Variants in TAF11 observed in about 807,000 individuals in gnomAD.
The protein encoded by TAF11 is TATA-box binding protein associated factor 11, also known as transcription initiation factor TFIID subunit 11.
Under a neutral mutation model 23.0 loss-of-function variants are expected in TAF11, and 10 were observed. The observed-to-expected ratio is 0.43, with a 90% CI of 0.27 to 0.74. The LOEUF (loss-of-function observed/expected upper bound fraction) is 0.74. Ranked by LOEUF, TAF11 falls within the 30% of genes least tolerant of loss-of-function variation. TAF11 has a pLI of 0.19. For missense variants in TAF11, 196 were observed against 261.7 expected, an observed-to-expected ratio of 0.75 and a Z score of 1.73; for synonymous variants, 85 against 95.8, an observed-to-expected ratio of 0.89 and a Z score of 0.66.
chr6:34,878,275 C>G lies in TAF11; in HGVS notation c.*315G>C, dbSNP rs149774843. On this transcript the variant is annotated 3_prime_UTR_variant, in exon 5 of 5. Coordinates refer to ENST00000361288, the MANE Select transcript of TAF11 (RefSeq NM_005643.4). ...CGAAACCAAAACAAAACAAAACTCT[C>G]TTGGAAAGGTTTTCTCTCTGAAAGC... 40 of 263,452 alleles carry G rather than the reference C, an allele frequency of 1.5e-4. No individual in the cohort carries two copies. The highest frequency in any genetic ancestry group is 2.6e-3 in the Middle Eastern group (2 of 782). The allele number at this position is 263,452 out of a possible 1,614,324, so 16.3% of individuals were successfully genotyped here.
At chr6:34,886,343 C>T (rs779419298) in intron 1 of TAF11, among the ~76,000 whole-genome samples, 3 of 150,528 alleles carry the variant, frequency 2.0e-5, no homozygotes, top group Non-Finnish European at 4.4e-5. Flanking sequence ...CACGCCACTG[C>T]ACACTCCAGC....
Position 34,887,872 on chromosome 6 carries a change from C to A in TAF11, c.86G>T (p.Gly29Val), listed in dbSNP as rs750828269. The A allele has an allele frequency of 6.2e-7, 1 of 1,614,182 alleles. No homozygotes were observed. Among genetic ancestry groups the A allele is most frequent in the Non-Finnish European group, 8.5e-7 (1 of 1,180,032 alleles). ...DETAAVPGDP[G>V]ATDTDGIPEE... ...TGGGATTCCATCGGTGTCGGTAGCC[C>A]CCGGGTCCCCGGGCACAGCGGCCGT... Residue 29 changes from glycine to valine, a missense_variant, in exon 1 of 5, where the codon GGG (glycine) becomes GTG (valine). Physicochemically the swap from Gly to Val is moderately radical, Grantham distance 109. Coordinates refer to ENST00000361288, the MANE Select transcript of TAF11 (RefSeq NM_005643.4).
intron 1 of TAF11, among the ~76,000 whole-genome samples, chr6:34,883,873 T>G (rs1766488003): frequency 6.6e-6 from 1 of 152,192 alleles, no homozygotes; most frequent in Non-Finnish European, 1.5e-5. Context: ...AGATACCATC[T>G]CATATCAGTC....
intron 4 of TAF11, chr6:34,879,377 T>C (rs1766375993): frequency 1.0e-6 from 1 of 963,304 alleles, no homozygotes; most frequent in Non-Finnish European, 1.2e-6. Context: ...CCATCTTAAT[T>C]TGTGATTTGT....
chr6:34,886,773 C>T (rs997648533), intron 1 of TAF11, among the ~76,000 whole-genome samples: 4 of 152,058 alleles, frequency 2.6e-5, no homozygotes, highest in African/African-American at 9.7e-5. Flanking sequence ...GACAAATTTT[C>T]TCTTTTTCTA....
rs1196223155 is a variant in TAF11, at chr6:34,877,896, C to G, written c.*694G>C. 2 of 152,182 alleles carry G rather than the reference C, an allele frequency of 1.3e-5. No individual in the cohort carries two copies. Among genetic ancestry groups the G allele is most frequent in the Non-Finnish European group, 2.9e-5 (2 of 68,034 alleles). The allele number at this position is 152,182 out of a possible 1,614,324, so 9.4% of individuals were successfully genotyped here. A position where few individuals can be genotyped will look rare whatever the true frequency, so the allele number is the denominator to read the frequency against. ...TACCGCATCCTTCATGGTAGAGTAT[C>G]ACAAGTAAAAGTTTCTGGTTGTTTC... is the stretch of plus-strand genomic sequence containing the variant. On this transcript the variant is annotated 3_prime_UTR_variant, in exon 5 of 5. Transcript: ENST00000361288.
rs201274551 is a variant in TAF11 at position 34,887,779 on chromosome 6, C to T, written c.171+8G>A. On this transcript the variant is annotated splice_region_variant and intron_variant, in intron 1 of 4. Transcript: ENST00000361288. ...TTCCTTCAGCCTCATCAGTACATCT[C>T]TTCCTACCTCGCCTTCCTCCGCTGC... 6.2e-6 allele frequency: 10 copies of T among 1,614,072 alleles called. No individual in the cohort carries two copies. Among genetic ancestry groups the T allele is most frequent in the Non-Finnish European group, 8.5e-6 (10 of 1,180,040 alleles).
At chr6:34,878,812 C>CT (rs1766363650) in intron 4 of TAF11, 92 bp from the exon 5 acceptor site, 1 of 1,130,740 alleles carries the variant, frequency 8.8e-7, no homozygotes, top group South Asian at 1.4e-5. Context: ...GTTAACTTTT[C>CT]TTAAGCTTGC....
chr6:34,882,365 C>T lies in TAF11; in HGVS notation c.320+567G>A, dbSNP rs138177088. 4.3e-3 allele frequency among the ~76,000 whole-genome samples: 644 copies of T among 150,902 alleles called. 2 individuals carry two copies. Among genetic ancestry groups the T allele is most frequent in the Middle Eastern group, 0.028 (8 of 286 alleles). On this transcript the variant is annotated intron_variant, in intron 2 of 4. Transcript: ENST00000361288. ...AAAAAAAAAAATTTTAAATAGAGGC[C>T]GGGCACAGTGGCTCATGCCTGTAAT...
intron 1 of TAF11, among the ~76,000 whole-genome samples, chr6:34,885,243 T>C (rs894075946): frequency 3.5e-4 from 53 of 152,150 alleles, no homozygotes; most frequent in Non-Finnish European, 8.8e-5. Flanking sequence ...CTTTTTCTGG[T>C]TTCTTGAGTT....
Position 34,880,228 on chromosome 6 carries a change from C to T in TAF11, c.408+61G>A, listed in dbSNP as rs1766397855. 5 of 1,580,590 alleles carry T rather than the reference C, an allele frequency of 3.2e-6. No individual in the cohort carries two copies. In the East Asian group the frequency reaches 1.1e-4, roughly 35 times the overall value. ...ACACCTCACTTCAAATGCCAATGGA[C>T]ATGGCTCTTGAGTTCAGTTCTAAAA... On this transcript the variant is annotated intron_variant, in intron 3 of 4. Transcript: ENST00000361288. This position sits in a 1 kb window ranked among gnomAD's most constrained non-coding sequence, Gnocchi z 4.8.
intron 1 of TAF11, among the ~76,000 whole-genome samples, chr6:34,885,904 G>A (rs1766516987): frequency 6.6e-6 from 1 of 152,196 alleles, no homozygotes; most frequent in Non-Finnish European, 1.5e-5. Flanking sequence ...GATGGATCAT[G>A]AGGTCAGGAG....
Position 34,878,473 on chromosome 6 carries a change from AATC to A in TAF11, c.*114_*116del, listed in dbSNP as rs1448199066. On this transcript the variant is annotated 3_prime_UTR_variant, in exon 5 of 5. Transcript: ENST00000361288. Reference sequence around the variant, plus strand: ...ATCAGAGTTTTGAGAAAGACATTAAAATCATCATGGAATCCTTGGAGGCCTGAG... The same window carrying A: ...ATCAGAGTTTTGAGAAAGACATTAAAATCATGGAATCCTTGGAGGCCTGAG... 5.7e-4 allele frequency: 396 copies of A among 695,622 alleles called. No individual in the cohort carries two copies. The highest frequency in any genetic ancestry group is 5.5e-3 in the Middle Eastern group (15 of 2,708). 43.1% of individuals were successfully genotyped at this position (695,622 alleles called of 1,614,324 possible). A position where few individuals can be genotyped will look rare whatever the true frequency, so the allele number is the denominator to read the frequency against.
At chr6:34,884,194 G>A (rs1766491903) in intron 1 of TAF11, among the ~76,000 whole-genome samples, 1 of 152,152 alleles carries the variant, frequency 6.6e-6, no homozygotes, top group South Asian at 2.1e-4. Flanking sequence ...ACTGGATAAA[G>A]AAAATGTATT....
chr6:34,880,084 TC>T lies in TAF11; in HGVS notation c.409-22del, dbSNP rs764201662. The T allele has an allele frequency of 5.0e-6, 8 of 1,607,294 alleles. No individual in the cohort carries two copies. In the South Asian group the frequency reaches 7.7e-5, roughly 15 times the overall value. ...ATCAGCTTGAAAGAAGCACAAAGAC[TC>T]CGTGATCACAATAGTCAAAGACTGG... On this transcript the variant is annotated intron_variant, in intron 3 of 4. Coordinates refer to ENST00000361288, the MANE Select transcript of TAF11 (RefSeq NM_005643.4). This position sits in a 1 kb window ranked among gnomAD's most constrained non-coding sequence, Gnocchi z 4.8.
Position 34,878,646 on chromosome 6 carries a change from ACCTT to A in TAF11, c.576_579del (p.Arg192SerfsTer2). On this transcript the variant is annotated frameshift_variant, in exon 5 of 5. Coordinates refer to ENST00000361288, the MANE Select transcript of TAF11 (RefSeq NM_005643.4). LOFTEE classifies it high-confidence loss of function. Reference sequence around the variant, plus strand: ...TTAGGGATCTGTCCTTTTGACTTTAACCTTCTAACGGCTTCCCTCATATGTTTGG... The same window carrying A: ...TTAGGGATCTGTCCTTTTGACTTTAACTAACGGCTTCCCTCATATGTTTGG... 1 of 1,614,032 alleles carries A rather than the reference ACCTT, an allele frequency of 6.2e-7. No individual in the cohort carries two copies. The highest frequency in any genetic ancestry group is 8.5e-7 in the Non-Finnish European group (1 of 1,179,950).
At chr6:34,886,475 T>C (rs1766527520) in intron 1 of TAF11, among the ~76,000 whole-genome samples, 1 of 147,360 alleles carries the variant, frequency 6.8e-6, no homozygotes, top group African/African-American at 2.5e-5. Flanking sequence ...TTTTCTTTTC[T>C]TTTTTTTTTT....
chr6:34,882,716 G>C lies in TAF11; in HGVS notation c.320+216C>G, dbSNP rs564267271. ...AGAAAGGGTTTCACTATGTTGCCCA[G>C]GCTGGTCTCAAACTTAGGCCTCAAG... On this transcript the variant is annotated intron_variant, in intron 2 of 4. Transcript: ENST00000361288. Among the ~76,000 whole-genome samples, 24 of 151,838 alleles carry C rather than the reference G, an allele frequency of 1.6e-4. No individual in the cohort carries two copies. In the East Asian group the frequency reaches 4.6e-3, roughly 29 times the overall value.
At position 34,878,550 on chromosome 6, in the gene TAF11, A is replaced by G; in HGVS notation, c.*40T>C. ...GTCTTATAGGAAGTCTGGAACCAAT[A>G]CTTCTTCCGTCAGTAACATAGGCCT... On this transcript the variant is annotated 3_prime_UTR_variant, in exon 5 of 5. Transcript: ENST00000361288. 2 of 1,117,072 alleles carry G rather than the reference A, an allele frequency of 1.8e-6. No individual in the cohort carries two copies. The highest frequency in any genetic ancestry group is 2.8e-6 in the Non-Finnish European group (2 of 727,162). 69.2% of individuals were successfully genotyped at this position (1,117,072 alleles called of 1,614,324 possible).
Sources: allele counts gnomAD v4.1 joint callset (sites outside exome capture counted in the v4.1 genomes callset), GRCh38; gene constraint gnomAD v4.1.1; non-coding constraint Gnocchi (gnomAD v3.1); transcripts MANE v1.5; gene names NCBI Gene and HGNC (gene_info 2026-07-23, HGNC 2026-07-21).